The following KCNIP1 variants were observed in gnomAD, a reference collection of about 807,000 sequenced individuals.
KCNIP1 encodes potassium voltage-gated channel interacting protein 1.
In KCNIP1, 18 loss-of-function variants were observed where a neutral mutation model predicts 33.0. The observed-to-expected ratio is 0.55, with a 90% confidence interval of 0.38 to 0.81. The LOEUF is 0.81. KCNIP1 is among the 30% of genes least tolerant of loss of function. The pLI is 0.00. For missense variants in KCNIP1, 238 were observed against 271.6 expected (o/e 0.88, Z 0.87); for synonymous variants, 93 against 98.3 (o/e 0.95, Z 0.32).
At chr5:170,619,352 C>T (rs949497090) in intron 1 of KCNIP1, among the ~76,000 whole-genome samples, 2 of 152,146 alleles carry the variant, frequency 1.3e-5, no homozygotes, top group African/African-American at 2.4e-5. Context: ...CTCTGAGCCT[C>T]AGTTTCCCCT....
intron 1 of KCNIP1, among the ~76,000 whole-genome samples, chr5:170,423,938 G>A (rs1755556562): frequency 6.6e-6 from 1 of 152,228 alleles, no homozygotes; most frequent in Non-Finnish European, 1.5e-5. Context: ...TCATTCTAAT[G>A]AGAACAGAAA....
rs1763975383 is a variant in KCNIP1 at position 170,375,806 on chromosome 5, T to TA, written c.88+21847dup. On this transcript the variant is annotated intron_variant, in intron 1 of 7. Coordinates refer to the KCNIP1 transcript ENST00000377360. ...ATGTCACTATCCTAGGAAATTTACA[T>TA]AAAAATTTGTTTCATGCCAAAACTC... 2.0e-5 allele frequency: 3 copies of TA among 152,258 alleles called. No individual in the cohort carries two copies. In the South Asian group the frequency reaches 6.2e-4, roughly 31 times the overall value. 9.4% of individuals were successfully genotyped at this position (152,258 alleles called of 1,614,324 possible).
At chr5:170,450,681 C>T (rs944370534) in intron 1 of KCNIP1, among the ~76,000 whole-genome samples, 19 of 152,120 alleles carry the variant, frequency 1.2e-4, no homozygotes, top group Non-Finnish European at 5.9e-5. Context: ...CCAGTTGCTC[C>T]GACCACCTCC....
chr5:170,720,429 C>G (rs1322779230), intron 3 of KCNIP1, 39 bp downstream of exon 3: 6 of 1,484,724 alleles, frequency 4.0e-6, no homozygotes, highest in Non-Finnish European at 5.6e-6. Context: ...CCAGCTCCCT[C>G]TCTGGTAAGC....
At chr5:170,731,694 A>AG (rs1200276036) in intron 5 of KCNIP1, among the ~76,000 whole-genome samples, 2 of 63,658 alleles carry the variant, frequency 3.1e-5, no homozygotes, top group African/African-American at 1.4e-4. Flanking sequence ...AACCTGTCTC[A>AG]AAAAAAAAAA....
intron 1 of KCNIP1, among the ~76,000 whole-genome samples, chr5:170,462,928 A>G (rs6863681): frequency 0.049 from 7,520 of 152,240 alleles, 428 homozygotes; most frequent in African/African-American, 0.12. Context: ...ATGAGGATGC[A>G]AAGGCATAAG....
intron 1 of KCNIP1, chr5:170,383,300 T>C: frequency 2.0e-6 from 1 of 508,216 alleles, no homozygotes; most frequent in Non-Finnish European, 3.5e-6. Flanking sequence ...AGAATGAAAG[T>C]ACTAACACTA....
intron 1 of KCNIP1, among the ~76,000 whole-genome samples, chr5:170,551,666 G>A (rs962787972): frequency 7.9e-6 from 1 of 126,452 alleles, no homozygotes; most frequent in South Asian, 2.9e-4. Context: ...GTGACTGTGA[G>A]TGGTTGTGAG....
At chr5:170,512,285 C>T (rs1008212005) in intron 1 of KCNIP1, among the ~76,000 whole-genome samples, 9 of 152,160 alleles carry the variant, frequency 5.9e-5, no homozygotes, top group South Asian at 4.1e-4. Flanking sequence ...AGTTTTCACA[C>T]GGTCCAGGTG....
At chr5:170,547,283 T>G (rs1756448869) in intron 1 of KCNIP1, among the ~76,000 whole-genome samples, 1 of 152,252 alleles carries the variant, frequency 6.6e-6, no homozygotes, top group Admixed American at 6.5e-5. Flanking sequence ...CTAGCTTGTT[T>G]TATTTATAAC....
intron 1 of KCNIP1, among the ~76,000 whole-genome samples, chr5:170,667,028 T>G (rs1761730579): frequency 6.6e-6 from 1 of 152,216 alleles, no homozygotes; most frequent in African/African-American, 2.4e-5. Context: ...AAGTAAAAAC[T>G]GTCGGCTGGG....
At chr5:170,629,549 A>C (rs911793444) in intron 1 of KCNIP1, among the ~76,000 whole-genome samples, 131 of 152,212 alleles carry the variant, frequency 8.6e-4, no homozygotes, top group African/African-American at 3.1e-3. Flanking sequence ...CCCCCACCCC[A>C]CCCCAGCACA....
At chr5:170,396,860 C>T (rs917746285) in intron 1 of KCNIP1, among the ~76,000 whole-genome samples, 1 of 152,132 alleles carries the variant, frequency 6.6e-6, no homozygotes, top group Non-Finnish European at 1.5e-5. Context: ...GAGAAAAAGA[C>T]TTAGAAAGGG....
chr5:170,641,030 A>G (rs928979603), intron 1 of KCNIP1, among the ~76,000 whole-genome samples: 13 of 152,160 alleles, frequency 8.5e-5, no homozygotes, highest in African/African-American at 2.9e-4. Context: ...GCTAAGTAGA[A>G]AGAATATGTT....
intron 1 of KCNIP1, among the ~76,000 whole-genome samples, chr5:170,473,965 C>T (rs369355203): frequency 1.1e-4 from 17 of 152,252 alleles, no homozygotes; most frequent in African/African-American, 3.9e-4. Flanking sequence ...AATTAGACTG[C>T]GTTGGGCGTC....
At chr5:170,536,715 T>C (rs147325452) in intron 1 of KCNIP1, among the ~76,000 whole-genome samples, 64 of 152,192 alleles carry the variant, frequency 4.2e-4, no homozygotes, top group African/African-American at 1.3e-3. Flanking sequence ...GATTTAACGC[T>C]CTCTCACTCC....
chr5:170,686,784 C>T (rs1762548830), intron 1 of KCNIP1, among the ~76,000 whole-genome samples: 1 of 152,198 alleles, frequency 6.6e-6, no homozygotes, highest in African/African-American at 2.4e-5. Flanking sequence ...TTAGTATATT[C>T]CATGCAGCAC....
chr5:170,544,713 T>TA (rs70979184), intron 1 of KCNIP1, among the ~76,000 whole-genome samples: 39,100 of 151,944 alleles, frequency 0.26, 8,582 homozygotes, highest in African/African-American at 0.6. Flanking sequence ...ATTCCTGAAT[T>TA]TTGTGCAGTG....
chr5:170,417,439 G>C (rs1755359492), intron 1 of KCNIP1, among the ~76,000 whole-genome samples: 1 of 152,218 alleles, frequency 6.6e-6, no homozygotes, highest in Non-Finnish European at 1.5e-5. Flanking sequence ...CTCCCTGAGA[G>C]TAGACGCTAT....
Sources: allele counts gnomAD v4.1 joint callset (sites outside exome capture counted in the v4.1 genomes callset), GRCh38; gene constraint gnomAD v4.1.1; transcripts MANE v1.5; gene names NCBI Gene and HGNC (gene_info 2026-07-23, HGNC 2026-07-21).